The following PRKD1 variants were observed in gnomAD, a reference collection of about 807,000 sequenced individuals.
PRKD1 encodes the protein protein kinase D1, also known as serine/threonine-protein kinase D1.
PRKD1 carries 63 observed loss-of-function variants against 95.9 expected under a neutral mutation model. That is an observed-to-expected ratio of 0.66 (90% CI 0.54 to 0.81). The LOEUF (loss-of-function observed/expected upper bound fraction) is 0.81, where lower values mean the gene tolerates loss of function less well. Ranked by LOEUF, PRKD1 falls within the 30% of genes least tolerant of loss-of-function variation. PRKD1 has a pLI of 0.00. For synonymous variants in PRKD1, 425 were observed against 423.1 expected (o/e 1.00, Z -0.05); for missense variants, 1,048 against 1,165.3 (o/e 0.90, Z 1.47).
intron 1 of PRKD1, among the ~76,000 whole-genome samples, chr14:29,842,053 C>T (rs1891872324): frequency 6.6e-6 from 1 of 152,194 alleles, no homozygotes; most frequent in Non-Finnish European, 1.5e-5. Flanking sequence ...ATCAATACCA[C>T]TGTCTTCCAA....
chr14:29,814,697 C>T (rs1226299354), intron 1 of PRKD1, among the ~76,000 whole-genome samples: 2 of 152,162 alleles, frequency 1.3e-5, no homozygotes, highest in Non-Finnish European at 1.5e-5. Flanking sequence ...CTCCATGATT[C>T]CCTGCTGCCT....
At chr14:29,644,725 A>T (rs1233276192) in intron 4 of PRKD1, among the ~76,000 whole-genome samples, 4 of 152,120 alleles carry the variant, frequency 2.6e-5, no homozygotes, top group African/African-American at 7.2e-5. Context: ...TATATGCCAA[A>T]CTATTTTCAT....
At chr14:29,627,098 A>G (rs1354181085) in intron 11 of PRKD1, among the ~76,000 whole-genome samples, 1 of 152,230 alleles carries the variant, frequency 6.6e-6, no homozygotes, top group Admixed American at 6.5e-5. Flanking sequence ...CTAACGTGCT[A>G]GCACATATGT....
At chr14:29,634,266 G>C (rs1403749277) in intron 8 of PRKD1, 152 bp downstream of exon 8, 1 of 1,160,586 alleles carries the variant, frequency 8.6e-7, no homozygotes, top group Non-Finnish European at 1.2e-6. Context: ...CTGACACCCA[G>C]AGACTGTAAT....
intron 1 of PRKD1, among the ~76,000 whole-genome samples, chr14:29,748,616 A>G (rs1887339244): frequency 6.6e-6 from 1 of 152,188 alleles, no homozygotes; most frequent in Non-Finnish European, 1.5e-5. Context: ...AGCCCCGTTT[A>G]CCATTTCCCT....
At chr14:29,897,610 A>G (rs1017287216) in intron 1 of PRKD1, among the ~76,000 whole-genome samples, 3 of 152,114 alleles carry the variant, frequency 2.0e-5, no homozygotes, top group Non-Finnish European at 2.9e-5. Flanking sequence ...TTCCAAACTC[A>G]CGGAATTTTT....
rs375825091 is a variant in PRKD1, at chr14:29,896,624, G to A, written c.264+30625C>T. 9.8e-4 allele frequency among the ~76,000 whole-genome samples: 149 copies of A among 151,452 alleles called. 3 individuals carry two copies. The highest frequency in any genetic ancestry group is 3.5e-3 in the African/African-American group (144 of 41,268). On this transcript the variant is annotated intron_variant, in intron 1 of 17. Coordinates refer to ENST00000331968, the MANE Select transcript of PRKD1 (RefSeq NM_002742.3). ...CAAGATATGTGGCAACCAAGTAAACGTATCTGTCATTAAGATGGCCAGGCC... is the reference window on the plus strand; with the variant it reads ...CAAGATATGTGGCAACCAAGTAAACATATCTGTCATTAAGATGGCCAGGCC...
intron 2 of PRKD1, among the ~76,000 whole-genome samples, chr14:29,689,083 C>A (rs1884072107): frequency 6.7e-6 from 1 of 150,110 alleles, no homozygotes; most frequent in African/African-American, 2.4e-5. Flanking sequence ...ATGCCAAAAG[C>A]AATTGCAACA....
intron 13 of PRKD1, among the ~76,000 whole-genome samples, chr14:29,618,278 A>T (rs1879006114): frequency 7.0e-6 from 1 of 142,370 alleles, no homozygotes; most frequent in African/African-American, 2.6e-5. Flanking sequence ...TTTTGAGATG[A>T]GTCTCACTCT....
At chr14:29,760,088 AT>A (rs1887903832) in intron 1 of PRKD1, among the ~76,000 whole-genome samples, 1 of 152,178 alleles carries the variant, frequency 6.6e-6, no homozygotes, top group African/African-American at 2.4e-5. Context: ...ATTGTTTACT[AT>A]TTTTGTATGA....
chr14:29,603,466 A>G (rs537519192), intron 13 of PRKD1, among the ~76,000 whole-genome samples: 1 of 152,352 alleles, frequency 6.6e-6, no homozygotes, highest in South Asian at 2.1e-4. Flanking sequence ...ACTGATAAGA[A>G]TATGCCGTTA....
At chr14:29,643,209 TA>T (rs1880911043) in intron 4 of PRKD1, among the ~76,000 whole-genome samples, 3 of 152,192 alleles carry the variant, frequency 2.0e-5, no homozygotes, top group African/African-American at 7.2e-5. Flanking sequence ...TAGATGCATA[TA>T]AATGATTTGA....
intron 1 of PRKD1, among the ~76,000 whole-genome samples, chr14:29,882,652 T>G (rs369718626): frequency 1.3e-5 from 2 of 152,200 alleles, no homozygotes; most frequent in Non-Finnish European, 2.9e-5. Context: ...AACTCCGCAT[T>G]TTCCCTCTCC....
At chr14:29,866,816 TA>T (rs1441729492) in intron 1 of PRKD1, among the ~76,000 whole-genome samples, 1 of 152,206 alleles carries the variant, frequency 6.6e-6, no homozygotes, top group African/African-American at 2.4e-5. Context: ...GTTAGAATGA[TA>T]AAAGTATTGT....
chr14:29,658,127 A>G (rs1881995151), intron 4 of PRKD1, among the ~76,000 whole-genome samples: 2 of 152,250 alleles, frequency 1.3e-5, no homozygotes, highest in South Asian at 2.1e-4. Context: ...TGCTATCTAT[A>G]TATCTGATAC....
chr14:29,770,915 G>C (rs1034299787), intron 1 of PRKD1, among the ~76,000 whole-genome samples: 2 of 112,952 alleles, frequency 1.8e-5, no homozygotes, highest in Admixed American at 2.5e-4. Context: ...CTGAGTGATA[G>C]AGTGAGACAC....
intron 1 of PRKD1, among the ~76,000 whole-genome samples, chr14:29,909,239 AG>A (rs1310980121): frequency 3.3e-5 from 5 of 151,804 alleles, no homozygotes; most frequent in Non-Finnish European, 7.4e-5. Context: ...CCCATGGGGC[AG>A]GGCTCAGGAC....
chr14:29,590,914 GA>G (rs1245579800), intron 16 of PRKD1, among the ~76,000 whole-genome samples: 2 of 152,128 alleles, frequency 1.3e-5, no homozygotes, highest in African/African-American at 4.8e-5. Context: ...GAGTAGCTGG[GA>G]CTACAGGTGT....
At chr14:29,807,712 T>TC (rs1334518810) in intron 1 of PRKD1, among the ~76,000 whole-genome samples, 5 of 151,834 alleles carry the variant, frequency 3.3e-5, no homozygotes, top group Non-Finnish European at 7.4e-5. Flanking sequence ...TCTTTTCTTT[T>TC]CTTTTTTTTC....
Sources: gnomAD v4.1 joint callset for allele counts (sites outside exome capture counted in the v4.1 genomes callset) on GRCh38, gnomAD v4.1.1 for gene constraint, MANE v1.5 for transcripts, NCBI Gene and HGNC (gene_info 2026-07-23, HGNC 2026-07-21) for gene names.